DTNA: variants seen among roughly 807,000 people sequenced by gnomAD.
The protein encoded by DTNA is dystrophin-related protein 3.
A neutral mutation model predicts 100.7 loss-of-function variants in DTNA; 43 were observed. The ratio of observed to expected loss-of-function variants is 0.43; its 90% CI spans 0.33 to 0.55. The LOEUF is 0.55. DTNA is among the 20% of genes least tolerant of loss of function. The pLI, the probability that DTNA is intolerant of heterozygous loss-of-function variation, is 0.04. For synonymous variants in DTNA, 349 were observed against 347.9 expected, an observed-to-expected ratio of 1.00 and a Z score of -0.04; for missense variants, 798 against 953.9, an observed-to-expected ratio of 0.84 and a Z score of 2.15.
chr18:34,838,117 T>G lies in DTNA; in HGVS notation c.1199T>G (p.Val400Gly). 1 of 1,613,856 alleles carries G rather than the reference T, an allele frequency of 6.2e-7. No individual in the cohort carries two copies. Among genetic ancestry groups the G allele is most frequent in the South Asian group, 1.1e-5 (1 of 91,080 alleles). The stretch of plus-strand genomic sequence containing the variant: ...AGCTCTCCTCCCAAGGACAGTGAAG[T>G]AGAGCAGAACAAACTGCTGGCTAGG... ...GARSPPKDSEVEQNKLLARAA... is the reference protein window; with the variant it reads ...GARSPPKDSEGEQNKLLARAA... Residue 400 changes from valine (V) to glycine (G), a missense_variant, in exon 12 of 23, where the codon GTA (valine) becomes GGA (glycine). Val to Gly is a moderately radical substitution (Grantham distance 109). Around this residue, in one of 6 missense-constraint regions of DTNA, gnomAD observed 159 missense variants for 201.2 expected, o/e 0.79. Coordinates refer to ENST00000444659, the MANE Select transcript of DTNA (RefSeq NM_001386795.1).
At chr18:34,825,208 C>T in intron 9 of DTNA, 1 of 1,609,324 alleles carries the variant, frequency 6.2e-7, no homozygotes, top group Non-Finnish European at 8.5e-7. Context: ...TATTGTATTG[C>T]TTGTAAATAT....
chr18:34,877,038 A>C (rs1161798987), intron 18 of DTNA, among the ~76,000 whole-genome samples: 1 of 152,206 alleles, frequency 6.6e-6, no homozygotes, highest in Non-Finnish European at 1.5e-5. Flanking sequence ...GAAACAAAAT[A>C]ATAATCTTTC....
At chr18:34,861,485 C>CAAAAAAAAAA (rs11329850) in intron 16 of DTNA, among the ~76,000 whole-genome samples, 1 of 77,942 alleles carries the variant, frequency 1.3e-5, no homozygotes, top group East Asian at 5.7e-4. Context: ...GACTCCGTCT[C>CAAAAAAAAAA]AAAAAAAAAA....
chr18:34,843,932 A>G (rs1449760753), intron 13 of DTNA, among the ~76,000 whole-genome samples: 1 of 152,198 alleles, frequency 6.6e-6, no homozygotes, highest in African/African-American at 2.4e-5. Flanking sequence ...AGAAAAAAGA[A>G]GAGTTACCTA....
At chr18:34,650,123 T>G (rs777815856) in intron 1 of DTNA, among the ~76,000 whole-genome samples, 6 of 152,162 alleles carry the variant, frequency 3.9e-5, no homozygotes, top group Non-Finnish European at 8.8e-5. Context: ...TTAAATTTGT[T>G]TCAAGTTTCT....
chr18:34,512,922 A>T (rs1212373177), intron 1 of DTNA, among the ~76,000 whole-genome samples: 1 of 152,116 alleles, frequency 6.6e-6, no homozygotes, highest in East Asian at 1.9e-4. Context: ...TTAGCAAACC[A>T]GTATAGAAGA....
chr18:34,781,761 C>A (rs2094332954), intron 3 of DTNA, among the ~76,000 whole-genome samples: 1 of 152,078 alleles, frequency 6.6e-6, no homozygotes, highest in Non-Finnish European at 1.5e-5. Flanking sequence ...TCTCATTGCA[C>A]AGAGAATTGT....
chr18:34,636,831 G>A (rs565912249), intron 1 of DTNA, among the ~76,000 whole-genome samples: 7 of 152,116 alleles, frequency 4.6e-5, no homozygotes, highest in Non-Finnish European at 1.0e-4. Flanking sequence ...TGACTATGCC[G>A]TAAGAATATT....
chr18:34,642,846 C>T (rs578237851), intron 1 of DTNA, among the ~76,000 whole-genome samples: 12 of 152,212 alleles, frequency 7.9e-5, no homozygotes, highest in South Asian at 2.1e-4. Flanking sequence ...CGTGAGCCAC[C>T]GCACCTGGCC....
intron 1 of DTNA, among the ~76,000 whole-genome samples, chr18:34,672,382 G>GAGAT (rs1212319615): frequency 2.0e-5 from 3 of 152,058 alleles, no homozygotes; most frequent in Non-Finnish European, 2.9e-5. Flanking sequence ...GATACAAAAT[G>GAGAT]AGATAATCAC....
chr18:34,718,977 A>G (rs369175229), intron 1 of DTNA, among the ~76,000 whole-genome samples: 5 of 152,228 alleles, frequency 3.3e-5, no homozygotes, highest in African/African-American at 9.6e-5. Context: ...AACCTATTTA[A>G]GGCAATTAAC....
chr18:34,579,585 A>G (rs2048425348), intron 1 of DTNA, among the ~76,000 whole-genome samples: 1 of 152,210 alleles, frequency 6.6e-6, no homozygotes, highest in Non-Finnish European at 1.5e-5. Context: ...TTCCTTCAAT[A>G]CTTTGCAGAT....
chr18:34,653,501 A>G (rs1260510701), intron 1 of DTNA, among the ~76,000 whole-genome samples: 1 of 152,100 alleles, frequency 6.6e-6, no homozygotes, highest in Non-Finnish European at 1.5e-5. Flanking sequence ...AGAAAAAAAA[A>G]ACACTTAACA....
chr18:34,833,831 A>C (rs1397813966), intron 11 of DTNA, among the ~76,000 whole-genome samples: 1 of 152,182 alleles, frequency 6.6e-6, no homozygotes, highest in African/African-American at 2.4e-5. Flanking sequence ...TCAGTTTCGG[A>C]GCTTAAAAGG....
At chr18:34,685,283 A>C (rs1176964031) in intron 1 of DTNA, among the ~76,000 whole-genome samples, 3 of 152,140 alleles carry the variant, frequency 2.0e-5, no homozygotes, top group Non-Finnish European at 4.4e-5. Context: ...TCTTACATTT[A>C]AGTCTTTAAT....
intron 1 of DTNA, among the ~76,000 whole-genome samples, chr18:34,734,739 G>T (rs1383979329): frequency 6.6e-6 from 1 of 152,062 alleles, no homozygotes; most frequent in Non-Finnish European, 1.5e-5. Context: ...TCCATATATG[G>T]TCAAAGGTAT....
chr18:34,520,390 G>T (rs2042041562), intron 1 of DTNA, among the ~76,000 whole-genome samples: 1 of 152,140 alleles, frequency 6.6e-6, no homozygotes, highest in African/African-American at 2.4e-5. Context: ...GGTGGCTCAT[G>T]CCTATAATCC....
At chr18:34,557,679 T>A (rs1416271560) in intron 1 of DTNA, among the ~76,000 whole-genome samples, 1 of 151,730 alleles carries the variant, frequency 6.6e-6, no homozygotes, top group Non-Finnish European at 1.5e-5. Context: ...GTTAGGCTGC[T>A]CGGGGGTCAG....
rs149598633 is a variant in DTNA at position 34,888,224 on chromosome 18, AT to A, written c.*492del. 5 of 985,852 alleles carry A rather than the reference AT, an allele frequency of 5.1e-6. No homozygotes were observed. In the African/African-American group the frequency reaches 8.7e-5, roughly 17 times the overall value. 61.1% of individuals were successfully genotyped at this position (985,852 alleles called of 1,614,324 possible). On this transcript the variant is annotated 3_prime_UTR_variant, in exon 23 of 23. Coordinates refer to ENST00000444659, the MANE Select transcript of DTNA (RefSeq NM_001386795.1). ...TTATAGCTAGAAGTTTGATTTCTGA[AT>A]TCTTTGAGATTTTAGCAAAACAGTT... is the stretch of plus-strand genomic sequence containing the variant.
Sources: allele counts gnomAD v4.1 joint callset (sites outside exome capture counted in the v4.1 genomes callset), GRCh38; gene constraint gnomAD v4.1.1; regional missense constraint gnomAD v4.1.1; transcripts MANE v1.5; gene names NCBI Gene and HGNC (gene_info 2026-07-23, HGNC 2026-07-21).